The following RAD54L2 variants were observed in gnomAD, a reference collection of about 807,000 sequenced individuals.
The protein encoded by RAD54L2 is RAD54 like 2, also known as helicase ARIP4.
In RAD54L2, 27 loss-of-function variants were observed where a neutral mutation model predicts 138.4. The ratio of observed to expected loss-of-function variants is 0.20; its 90% CI spans 0.14 to 0.27. The LOEUF (loss-of-function observed/expected upper bound fraction) is 0.27. Ranked by LOEUF, RAD54L2 falls within the 10% of genes least tolerant of loss-of-function variation. RAD54L2 has a pLI of 1.00. For missense variants in RAD54L2, 1,396 were observed against 1,890.2 expected, an observed-to-expected ratio of 0.74 and a Z score of 4.85; for synonymous variants, 644 against 723.2, an observed-to-expected ratio of 0.89 and a Z score of 1.76.
intron 22 of RAD54L2, among the ~76,000 whole-genome samples, chr3:51,660,323 G>A (rs1162583811): frequency 1.4e-5 from 2 of 147,556 alleles, no homozygotes; most frequent in Non-Finnish European, 3.0e-5. Context: ...TTTATTTTTT[G>A]TTTGAGACAG....
At chr3:51,567,450 T>C (rs1023979120) in intron 2 of RAD54L2, among the ~76,000 whole-genome samples, 1 of 152,142 alleles carries the variant, frequency 6.6e-6, no homozygotes, top group African/African-American at 2.4e-5. Flanking sequence ...TTGTTAACTT[T>C]TGCAATTTTT....
rs141262366 is a variant in RAD54L2 at position 51,577,216 on chromosome 3, G to C, written c.-54-13151G>C. 2.0e-4 allele frequency among the ~76,000 whole-genome samples: 30 copies of C among 152,278 alleles called. 2 individuals are homozygous for C. The East Asian group carries it at 5.6e-3, about 28-fold the overall frequency. On this transcript the variant is annotated intron_variant, in intron 2 of 22. Coordinates refer to ENST00000684192, the MANE Select transcript of RAD54L2 (RefSeq NM_015106.4). ...TGCACTGTGGTCTGAGAGACAGTTT[G>C]TTATAATTTCTGTTCGTTTACATTT...
At chr3:51,552,221 ATTTG>A (rs1468710349) in intron 2 of RAD54L2, among the ~76,000 whole-genome samples, 2 of 151,882 alleles carry the variant, frequency 1.3e-5, no homozygotes, top group African/African-American at 4.8e-5. Flanking sequence ...TTATTTATTT[ATTTG>A]TTTATTTACC....
At chr3:51,577,621 A>G (rs897142775) in intron 2 of RAD54L2, among the ~76,000 whole-genome samples, 9 of 151,976 alleles carry the variant, frequency 5.9e-5, no homozygotes, top group Admixed American at 5.9e-4. Flanking sequence ...GTCTCTTTTG[A>G]TCTTTGTTGG....
At chr3:51,640,142 T>C in intron 14 of RAD54L2, 143 bp downstream of exon 14, 1 of 611,550 alleles carries the variant, frequency 1.6e-6, no homozygotes, top group Non-Finnish European at 2.8e-6. Context: ...TCTTGGAGTT[T>C]CTTTCATTGC....
In RAD54L2 at chr3:51,638,419, A is replaced by G; in HGVS notation, c.1860+98A>G. ...TGAGAGTCTTCAATAAAGGGAGAAT[A>G]AAGTGAGAGGGGGCCACCTCAGTTC... is the stretch of plus-strand genomic sequence containing the variant. On this transcript the variant is annotated intron_variant, in intron 12 of 22. Coordinates refer to ENST00000684192, the MANE Select transcript of RAD54L2 (RefSeq NM_015106.4). The surrounding 1 kb of genome is among the most constrained non-coding windows in gnomAD (Gnocchi z 4.3). 6.9e-7 allele frequency: 1 copy of G among 1,444,676 alleles called. No individual in the cohort carries two copies. The allele number at this position is 1,444,676 out of a possible 1,614,324, so 89.5% of individuals were successfully genotyped here.
intron 2 of RAD54L2, among the ~76,000 whole-genome samples, chr3:51,575,673 G>A (rs1174194039): frequency 6.6e-6 from 1 of 152,154 alleles, no homozygotes; most frequent in African/African-American, 2.4e-5. Context: ...GTACAGGAAT[G>A]CTGTGATTTT....
At chr3:51,616,037 C>T (rs543133788) in intron 3 of RAD54L2, among the ~76,000 whole-genome samples, 12 of 152,038 alleles carry the variant, frequency 7.9e-5, no homozygotes, top group East Asian at 3.9e-4. Context: ...GGGGGGCACA[C>T]GTGATAATTT....
intron 3 of RAD54L2, among the ~76,000 whole-genome samples, chr3:51,607,945 G>A (rs1431872479): frequency 1.5e-5 from 2 of 136,904 alleles, no homozygotes; most frequent in Admixed American, 7.0e-5. Context: ...CCCTCCTCCC[G>A]GACGGGGTGG....
At position 51,548,821 on chromosome 3, in the gene RAD54L2, C is replaced by CTTT. The variant is rs1168106948; in HGVS notation, c.-55+7192_-55+7194dup. Among the ~76,000 whole-genome samples the CTTT allele has an allele frequency of 3.1e-3, 309 of 101,266 alleles. 10 individuals are homozygous for CTTT. Among genetic ancestry groups the CTTT allele is most frequent in the East Asian group, 6.3e-3 (19 of 3,032 alleles). The allele number at this position is 101,266 out of a possible 152,430, so 66.4% of individuals were successfully genotyped here. On this transcript the variant is annotated intron_variant, in intron 2 of 22. Transcript: ENST00000684192. The stretch of plus-strand genomic sequence containing the variant: ...CTGTCATAGCAGCCCAGTAACTCTG[C>CTTT]TTTTTTTTTTTTTTTTTTTTTTTGA...
At chr3:51,598,560 G>A (rs1235301599) in intron 3 of RAD54L2, among the ~76,000 whole-genome samples, 1 of 152,074 alleles carries the variant, frequency 6.6e-6, no homozygotes, top group Non-Finnish European at 1.5e-5. Context: ...TTCGAGACCA[G>A]CCTGGTCAAT....
chr3:51,663,517 C>T lies in RAD54L2; in HGVS notation c.*97C>T, dbSNP rs1701841517. 1.5e-6 allele frequency: 2 copies of T among 1,320,912 alleles called. No homozygotes were observed. Among genetic ancestry groups the T allele is most frequent in the Admixed American group, 5.3e-5 (2 of 37,514 alleles). The allele number at this position is 1,320,912 out of a possible 1,614,324, so 81.8% of individuals were successfully genotyped here. A position where few individuals can be genotyped will look rare whatever the true frequency, so the allele number is the denominator to read the frequency against. On this transcript the variant is annotated 3_prime_UTR_variant, in exon 23 of 23. Coordinates refer to ENST00000684192, the MANE Select transcript of RAD54L2 (RefSeq NM_015106.4). ...GACCTTTTGAGAATAGGACACTTGG[C>T]AGGAGGGAAAAGGAAGAGGACAAAG...
intron 2 of RAD54L2, among the ~76,000 whole-genome samples, chr3:51,568,496 T>A (rs1309715336): frequency 6.6e-6 from 1 of 152,154 alleles, no homozygotes; most frequent in African/African-American, 2.4e-5. Flanking sequence ...TCCTTGAGAT[T>A]TGGCAGTTTT....
intron 2 of RAD54L2, among the ~76,000 whole-genome samples, chr3:51,582,396 T>C (rs1699628415): frequency 6.7e-6 from 1 of 148,288 alleles, no homozygotes; most frequent in African/African-American, 2.5e-5. Flanking sequence ...CCTCTTCTTA[T>C]CACCTTCATT....
intron 3 of RAD54L2, among the ~76,000 whole-genome samples, chr3:51,599,995 C>T (rs1700046424): frequency 2.6e-5 from 4 of 151,712 alleles, no homozygotes; most frequent in Admixed American, 2.0e-4. Context: ...GTGGCGTGAT[C>T]TCGGATCACT....
intron 3 of RAD54L2, among the ~76,000 whole-genome samples, chr3:51,607,556 T>C (rs1700215985): frequency 6.6e-6 from 1 of 152,208 alleles, no homozygotes; most frequent in Non-Finnish European, 1.5e-5. Context: ...TTCCCCACAT[T>C]TCCCCCTTTT....
intron 2 of RAD54L2, among the ~76,000 whole-genome samples, chr3:51,589,540 C>T (rs1366187762): frequency 6.6e-6 from 1 of 152,078 alleles, no homozygotes; most frequent in African/African-American, 2.4e-5. Context: ...TCAGCATTGC[C>T]AGAGAGTATA....
chr3:51,585,904 C>T (rs1368733470), intron 2 of RAD54L2, among the ~76,000 whole-genome samples: 1 of 152,128 alleles, frequency 6.6e-6, no homozygotes, highest in Non-Finnish European at 1.5e-5. Flanking sequence ...TTATTGCTCT[C>T]CTGGTTTCTG....
chr3:51,648,922 G>A (rs1701356698), intron 19 of RAD54L2, among the ~76,000 whole-genome samples: 1 of 152,146 alleles, frequency 6.6e-6, no homozygotes, highest in African/African-American at 2.4e-5. Flanking sequence ...CTCCTTGCCA[G>A]CAACAGAACA....
Sources: allele counts gnomAD v4.1 joint callset (sites outside exome capture counted in the v4.1 genomes callset), GRCh38; gene constraint gnomAD v4.1.1; non-coding constraint Gnocchi (gnomAD v3.1); transcripts MANE v1.5; gene names NCBI Gene and HGNC (gene_info 2026-07-23, HGNC 2026-07-21).